The following ZNF649 variants were observed in gnomAD, a reference collection of about 807,000 sequenced individuals.
ZNF649 encodes the protein zinc finger protein 649.
ZNF649 carries 7 observed loss-of-function variants against 14.1 expected under a neutral mutation model. The observed-to-expected ratio is 0.49, with a 90% CI of 0.28 to 0.93. ZNF649 has a LOEUF of 0.93. ZNF649 is among the 40% of genes least tolerant of loss of function. ZNF649 has a pLI of 0.10. For missense variants in ZNF649, 544 were observed against 608.1 expected (o/e 0.89, Z 1.11); for synonymous variants, 227 against 212.3 (o/e 1.07, Z -0.60).
chr19:51,902,956 C>T, intron 1 of ZNF649, among the ~76,000 whole-genome samples: 1 of 152,128 alleles, frequency 6.6e-6, no homozygotes, highest in Admixed American at 6.5e-5. Context: ...AAAGTGAGAT[C>T]GTTCATGGCA....
intron 4 of ZNF649, among the ~76,000 whole-genome samples, chr19:51,894,367 C>G (rs1199379043): frequency 6.6e-6 from 1 of 152,178 alleles, no homozygotes; most frequent in Non-Finnish European, 1.5e-5. Flanking sequence ...CTCCTGACCT[C>G]AGGTGATCTG....
At position 51,891,811 on chromosome 19, in the gene ZNF649, T is replaced by G; in HGVS notation, c.325A>C (p.Arg109=). The change falls in exon 5 of 5, where the codon AGA becomes CGA. Residue 109 remains arginine (R), a synonymous_variant. Coordinates refer to ENST00000354957, the MANE Select transcript of ZNF649 (RefSeq NM_023074.4). This position sits in a 1 kb window ranked among gnomAD's most constrained non-coding sequence, Gnocchi z 4.2. ...KRTGQRYEHG[R]TLKSYLGLTN... The stretch of plus-strand genomic sequence containing the variant: ...AAACCTAAATATGATTTCAAAGTTC[T>G]TCCGTGTTCATAGCGTTGTCCCGTC... 6.2e-7 allele frequency: 1 copy of G among 1,613,490 alleles called. No homozygotes were observed. The highest frequency in any genetic ancestry group is 8.5e-7 in the Non-Finnish European group (1 of 1,179,892).
At chr19:51,895,717 C>T (rs746658594) in intron 4 of ZNF649, among the ~76,000 whole-genome samples, 1 of 151,758 alleles carries the variant, frequency 6.6e-6, no homozygotes, top group Non-Finnish European at 1.5e-5. Flanking sequence ...TTCTCCCTCT[C>T]TCTCTTATAT....
chr19:51,897,070 C>T (rs780658799), intron 2 of ZNF649, 92 bp from the exon 3 acceptor site: 24 of 1,554,716 alleles, frequency 1.5e-5, no homozygotes, highest in Non-Finnish European at 2.1e-5. Flanking sequence ...ACATAAGCTG[C>T]ACCTGCACAG....
chr19:51,900,156 G>T lies in ZNF649; in HGVS notation c.-49C>A. 1 of 1,460,652 alleles carries T rather than the reference G, an allele frequency of 6.8e-7. No individual in the cohort carries two copies. Among genetic ancestry groups the T allele is most frequent in the African/African-American group, 1.4e-5 (1 of 70,364 alleles). 90.5% of individuals were successfully genotyped at this position (1,460,652 alleles called of 1,614,324 possible). On this transcript the variant is annotated 5_prime_UTR_variant, in exon 2 of 5. Transcript: ENST00000354957. ...CAAGAACTGGGATGCTTCGTCTTTGGTTTCTTCTGGATCCTCCCTAAATTT... is the reference window on the plus strand; with the variant it reads ...CAAGAACTGGGATGCTTCGTCTTTGTTTTCTTCTGGATCCTCCCTAAATTT...
At chr19:51,900,065 G>A (rs779864627) in intron 2 of ZNF649, 28 bp downstream of exon 2, 11 of 1,489,834 alleles carry the variant, frequency 7.4e-6, no homozygotes, top group East Asian at 2.4e-5. Context: ...AGGGAATCGA[G>A]TTAAGAATAA....
At chr19:51,904,540 C>T (rs1408721155) in intron 1 of ZNF649, among the ~76,000 whole-genome samples, 4 of 152,092 alleles carry the variant, frequency 2.6e-5, no homozygotes, top group African/African-American at 9.7e-5. Flanking sequence ...CACCCCAAAA[C>T]CTACACCACA....
intron 1 of ZNF649, among the ~76,000 whole-genome samples, chr19:51,903,137 C>T (rs2085104416): frequency 6.6e-6 from 1 of 152,098 alleles, no homozygotes; most frequent in African/African-American, 2.4e-5. Context: ...ATGCCCTCCA[C>T]GGAAGCTTAT....
Position 51,891,489 on chromosome 19 carries a change from TAGA to T in ZNF649, c.644_646del (p.Phe215del). The T allele has an allele frequency of 6.2e-7, 1 of 1,614,156 alleles. No individual in the cohort carries two copies. The highest frequency in any genetic ancestry group is 8.5e-7 in the Non-Finnish European group (1 of 1,180,004). On this transcript the variant is annotated inframe_deletion, in exon 5 of 5. Transcript: ENST00000354957. The surrounding 1 kb of genome is among the most constrained non-coding windows in gnomAD (Gnocchi z 4.2). ...GTGTTCAGTGAGCCTGTACTTCTTGTAGAAGGCTTTCCCACACAAGCTACACAC... is the reference window on the plus strand; with the variant it reads ...GTGTTCAGTGAGCCTGTACTTCTTGTAGGCTTTCCCACACAAGCTACACAC...
Position 51,891,220 on chromosome 19 carries a change from C to T in ZNF649, c.916G>A (p.Val306Ile), listed in dbSNP as rs761477266. Residue 306 changes from valine (V) to isoleucine (I), a missense_variant, in exon 5 of 5, where the codon GTT becomes ATT. Val to Ile is a conservative substitution (Grantham distance 29). Coordinates refer to ENST00000354957, the MANE Select transcript of ZNF649 (RefSeq NM_023074.4). This position sits in a 1 kb window ranked among gnomAD's most constrained non-coding sequence, Gnocchi z 4.2. ...CCTGTATGAGTTCGCTGATGTACAA[C>T]GAGTAGTGATTTTCTGGAGAAAGCT... ...GRAFSRKSLL[V>I]VHQRTHTGEK... 57 of 1,614,104 alleles carry T rather than the reference C, an allele frequency of 3.5e-5. No individual in the cohort carries two copies. Among genetic ancestry groups the T allele is most frequent in the Non-Finnish European group, 4.6e-5 (54 of 1,180,048 alleles).
intron 1 of ZNF649, among the ~76,000 whole-genome samples, chr19:51,901,179 C>G (rs944632399): frequency 2.0e-5 from 3 of 152,062 alleles, no homozygotes; most frequent in Non-Finnish European, 4.4e-5. Flanking sequence ...GGGGGCTGAT[C>G]GTGAAGGTGC....
intron 4 of ZNF649, among the ~76,000 whole-genome samples, chr19:51,893,867 T>C (rs1021384926): frequency 6.6e-6 from 1 of 152,194 alleles, no homozygotes; most frequent in Non-Finnish European, 1.5e-5. Context: ...GCTTTACTTT[T>C]AGTTTTTCTT....
intron 2 of ZNF649, chr19:51,897,202 T>G: frequency 2.0e-6 from 1 of 510,450 alleles, no homozygotes; most frequent in Non-Finnish European, 3.5e-6. Flanking sequence ...ATAAGCGAGT[T>G]TCACATCCTG....
chr19:51,902,156 G>A (rs887280446), intron 1 of ZNF649, among the ~76,000 whole-genome samples: 2 of 152,048 alleles, frequency 1.3e-5, no homozygotes, highest in African/African-American at 2.4e-5. Context: ...CTGGTGCTTC[G>A]ATCTTAGACT....
rs148226650 is a variant in ZNF649, at chr19:51,901,586, A to T, written c.-187-1292T>A. ...CTTGAGGCCAGGAGTTTGAGGCTGCAGTGAGTTGTGATTGCACCACTGCAC... is the reference window on the plus strand; with the variant it reads ...CTTGAGGCCAGGAGTTTGAGGCTGCTGTGAGTTGTGATTGCACCACTGCAC... On this transcript the variant is annotated intron_variant, in intron 1 of 4. Coordinates refer to ENST00000354957, the MANE Select transcript of ZNF649 (RefSeq NM_023074.4). 9.5e-3 allele frequency among the ~76,000 whole-genome samples: 1,443 copies of T among 152,144 alleles called. 22 individuals are homozygous for T. The highest frequency in any genetic ancestry group is 0.033 in the African/African-American group (1,385 of 41,452).
chr19:51,904,614 GATA>G (rs752053988), intron 1 of ZNF649, among the ~76,000 whole-genome samples: 6 of 150,816 alleles, frequency 4.0e-5, no homozygotes, highest in Admixed American at 6.6e-5. Flanking sequence ...CATTTGGAGT[GATA>G]ATAATGGCGT....
intron 2 of ZNF649, chr19:51,897,361 A>G (rs1396338866): frequency 5.4e-6 from 1 of 186,434 alleles, no homozygotes; most frequent in Non-Finnish European, 1.1e-5. Context: ...TATAATAACC[A>G]TGCAGCCATC....
At chr19:51,901,789 A>G (rs1168876039) in intron 1 of ZNF649, among the ~76,000 whole-genome samples, 1 of 152,128 alleles carries the variant, frequency 6.6e-6, no homozygotes, top group Non-Finnish European at 1.5e-5. Context: ...TAAAACATAC[A>G]AAAATTATTC....
rs202228647 is a variant in ZNF649 at position 51,891,937 on chromosome 19, C to G, written c.239-40G>C. ...AATAAATCCTTCCATGATCATCACACGGAATAAAACTGCTTCAAAGATGCC... is the reference window on the plus strand; with the variant it reads ...AATAAATCCTTCCATGATCATCACAGGGAATAAAACTGCTTCAAAGATGCC... On this transcript the variant is annotated intron_variant, in intron 4 of 4. Transcript: ENST00000354957. This position sits in a 1 kb window ranked among gnomAD's most constrained non-coding sequence, Gnocchi z 4.2. 3 of 1,507,494 alleles carry G rather than the reference C, an allele frequency of 2.0e-6. No individual in the cohort carries two copies. Among genetic ancestry groups the G allele is most frequent in the Non-Finnish European group, 2.6e-6 (3 of 1,134,298 alleles). 93.4% of individuals were successfully genotyped at this position (1,507,494 alleles called of 1,614,324 possible).
Sources: allele counts gnomAD v4.1 joint callset (sites outside exome capture counted in the v4.1 genomes callset), GRCh38; gene constraint gnomAD v4.1.1; non-coding constraint Gnocchi (gnomAD v3.1); transcripts MANE v1.5; gene names NCBI Gene and HGNC (gene_info 2026-07-23, HGNC 2026-07-21).